Variants in DYSF observed in about 807,000 individuals in gnomAD.
The protein encoded by DYSF is dystrophy-associated fer-1-like 1.
Under a neutral mutation model 274.9 loss-of-function variants are expected in DYSF, and 212 were observed. The observed-to-expected ratio is 0.77, with a 90% CI of 0.69 to 0.86. The LOEUF (loss-of-function observed/expected upper bound fraction) is 0.86. Among genes scored for constraint, DYSF ranks in the 40% least tolerant of loss-of-function variants. The pLI, the probability that DYSF is intolerant of heterozygous loss-of-function variation, is 0.00. For missense variants in DYSF, 2,666 were observed against 2,783.2 expected (o/e 0.96, Z 0.95); for synonymous variants, 1,091 against 1,078.7 (o/e 1.01, Z -0.22).
At chr2:71,461,402 G>T (rs1166957353) in intron 1 of DYSF, among the ~76,000 whole-genome samples, 2 of 152,234 alleles carry the variant, frequency 1.3e-5, no homozygotes, top group African/African-American at 4.8e-5. Flanking sequence ...GCTGGAGGCA[G>T]AGAGAACAGC....
At chr2:71,556,299 G>A (rs535928909) in intron 22 of DYSF, among the ~76,000 whole-genome samples, 15 of 152,236 alleles carry the variant, frequency 9.9e-5, no homozygotes, top group African/African-American at 3.1e-4. Flanking sequence ...CTGCGGGCCC[G>A]GCGGCCGGCT....
At chr2:71,618,161 TG>T (rs2093959732) in intron 40 of DYSF, among the ~76,000 whole-genome samples, 2 of 145,020 alleles carry the variant, frequency 1.4e-5, no homozygotes, top group Non-Finnish European at 3.0e-5. Context: ...GGTGTGTGTG[TG>T]TGTGTGTGGT....
chr2:71,553,751 C>A, intron 20 of DYSF, 56 bp from the exon 21 acceptor site: 95 of 1,044,956 alleles, frequency 9.1e-5, no homozygotes, highest in Non-Finnish European at 1.2e-4. Flanking sequence ...CTTAGCACCC[C>A]ATCCCACCCG....
upstream of DYSF, among the ~76,000 whole-genome samples, chr2:71,462,888 AGT>A (rs2081340894): frequency 6.6e-6 from 1 of 152,152 alleles, no homozygotes; most frequent in Non-Finnish European, 1.5e-5. Flanking sequence ...GAAGGGAGGA[AGT>A]GTGTGCTGTT....
intron 12 of DYSF, among the ~76,000 whole-genome samples, chr2:71,525,232 A>G (rs1310703867): frequency 6.8e-6 from 1 of 148,050 alleles, no homozygotes; most frequent in East Asian, 2.0e-4. Context: ...TGTTTTTGAG[A>G]TGGTGGGGGC....
At chr2:71,518,088 G>A (rs923050403) in intron 10 of DYSF, among the ~76,000 whole-genome samples, 1 of 152,056 alleles carries the variant, frequency 6.6e-6, no homozygotes, top group Non-Finnish European at 1.5e-5. Flanking sequence ...GATCCCTGGG[G>A]GAGGGAGAGG....
chr2:71,501,219 A>G (rs2084936902), intron 3 of DYSF, among the ~76,000 whole-genome samples: 1 of 152,132 alleles, frequency 6.6e-6, no homozygotes. Flanking sequence ...ATATTAGTGA[A>G]TATCTCTCCC....
At chr2:71,454,227 G>A in intron 1 of DYSF, 1 of 833,542 alleles carries the variant, frequency 1.2e-6, no homozygotes, top group Non-Finnish European at 2.0e-6. Flanking sequence ...GTGTTGCAAC[G>A]ACACAGGTCT....
At position 71,556,121 on chromosome 2, in the gene DYSF, G is replaced by A. The variant is rs200927842; in HGVS notation, c.2216+50G>A. ...TGCCCACCTCTCCTGGCTCAACTGG[G>A]CCTGTTTCGCTGGGAGTGCTCGTGT... On this transcript the variant is annotated intron_variant, in intron 22 of 55. Transcript: ENST00000410020. 6.0e-5 allele frequency: 88 copies of A among 1,468,106 alleles called. No homozygotes were observed. In the East Asian group the frequency reaches 1.9e-3, roughly 31 times the overall value. The allele number at this position is 1,468,106 out of a possible 1,614,324, so 90.9% of individuals were successfully genotyped here.
At position 71,535,011 on chromosome 2, in the gene DYSF, T is replaced by A; in HGVS notation, c.1381-10T>A. 1 of 1,614,096 alleles carries A rather than the reference T, an allele frequency of 6.2e-7. No homozygotes were observed. The highest frequency in any genetic ancestry group is 8.5e-7 in the Non-Finnish European group (1 of 1,179,930). On this transcript the variant is annotated splice_polypyrimidine_tract_variant and intron_variant, in intron 14 of 55. Coordinates refer to ENST00000410020, the MANE Select transcript of DYSF (RefSeq NM_001130987.2). ...GCTTGATCAACTTGTCCCCTCCCTG[T>A]GTCTTCTAGCTGTGCAGCAAGATCT...
intron 42 of DYSF, among the ~76,000 whole-genome samples, chr2:71,649,048 A>G (rs958346396): frequency 2.0e-5 from 3 of 151,688 alleles, no homozygotes; most frequent in African/African-American, 7.3e-5. Context: ...AGAAACCACA[A>G]CAGAAGGACT....
chr2:71,622,259 C>T (rs1033878999), intron 41 of DYSF, among the ~76,000 whole-genome samples: 6 of 150,500 alleles, frequency 4.0e-5, no homozygotes, highest in African/African-American at 9.8e-5. Flanking sequence ...ATGACTTTGT[C>T]GAACTATCGC....
chr2:71,514,897 A>G (rs907335194), intron 7 of DYSF, among the ~76,000 whole-genome samples: 10 of 152,130 alleles, frequency 6.6e-5, no homozygotes, highest in Non-Finnish European at 1.3e-4. Context: ...ATATATTAAA[A>G]TGAGGAGATT....
intron 22 of DYSF, among the ~76,000 whole-genome samples, chr2:71,561,483 G>T (rs1000870851): frequency 1.3e-5 from 2 of 152,174 alleles, no homozygotes; most frequent in African/African-American, 2.4e-5. Flanking sequence ...GTTGAGGACA[G>T]ATTCCAAACT....
intron 14 of DYSF, 29 bp from the exon 15 acceptor site, chr2:71,534,992 T>C (rs748628026): frequency 1.2e-6 from 2 of 1,613,596 alleles, no homozygotes; most frequent in South Asian, 2.2e-5. Context: ...TGGAGCTTGA[T>C]CAACTTGTCC....
Position 71,612,735 on chromosome 2 carries a change from C to T in DYSF, c.4316C>T (p.Thr1439Ile). ...CGCCGGCCTGTGGTGGGCCAGTGTA[C>T]CATCCGCTCCCTGGAGAGCTTCCTG... ...FGRRPVVGQC[T>I]IRSLESFLCD... is the part of the protein sequence containing the mutation. The change falls in exon 39 of 56, where the codon ACC (threonine) becomes ATC (isoleucine). Residue 1439 changes from threonine to isoleucine, a missense_variant. Transcript: ENST00000410020. 4 of 1,614,172 alleles carry T rather than the reference C, an allele frequency of 2.5e-6. No individual in the cohort carries two copies. Among genetic ancestry groups the T allele is most frequent in the Non-Finnish European group, 3.4e-6 (4 of 1,180,032 alleles).
intron 1 of DYSF, 123 bp from the exon 2 acceptor site, chr2:71,480,760 T>C (rs897091169): frequency 5.8e-6 from 5 of 858,526 alleles, no homozygotes; most frequent in African/African-American, 1.7e-5. Flanking sequence ...AGGGAATCTG[T>C]TGATTTTGTA....
At chr2:71,549,695 C>A (rs1383565058) in intron 17 of DYSF, among the ~76,000 whole-genome samples, 1 of 147,804 alleles carries the variant, frequency 6.8e-6, no homozygotes, top group African/African-American at 2.5e-5. Context: ...TAGGGGCAGG[C>A]ATGGGGGTCT....
At chr2:71,564,017 G>T (rs767831707) in intron 23 of DYSF, 41 bp from the exon 24 acceptor site, 70 of 1,612,620 alleles carry the variant, frequency 4.3e-5, no homozygotes, top group Non-Finnish European at 5.4e-5. Context: ...CGTGGGCCTG[G>T]TGTGTCACCA....
Sources: gnomAD v4.1 joint callset for allele counts (sites outside exome capture counted in the v4.1 genomes callset) on GRCh38, gnomAD v4.1.1 for gene constraint, MANE v1.5 for transcripts, NCBI Gene and HGNC (gene_info 2026-07-23, HGNC 2026-07-21) for gene names.